ANKRD30B: variants seen among roughly 807,000 people sequenced by gnomAD.
The protein encoded by ANKRD30B is ankyrin repeat domain-containing protein 30B.
In ANKRD30B, 144 loss-of-function variants were observed where a neutral mutation model predicts 202.2. That is an observed-to-expected ratio of 0.71 (90% CI 0.62 to 0.82). The LOEUF is 0.82. ANKRD30B is among the 40% of genes least tolerant of loss of function. The pLI, the probability that ANKRD30B is intolerant of heterozygous loss-of-function variation, is 0.00. For missense variants in ANKRD30B, 1,487 were observed against 1,669.1 expected (o/e 0.89, Z 1.90); for synonymous variants, 508 against 561.3 (o/e 0.91, Z 1.34).
intron 7 of ANKRD30B, among the ~76,000 whole-genome samples, chr18:14,765,401 T>C (rs1215406598): frequency 1.3e-5 from 2 of 150,438 alleles, no homozygotes; most frequent in Admixed American, 6.6e-5. Context: ...AGGCGGAGGC[T>C]ACAGTGAGCT....
At chr18:14,835,610 A>G (rs1461336423) in intron 34 of ANKRD30B, among the ~76,000 whole-genome samples, 3 of 151,580 alleles carry the variant, frequency 2.0e-5, no homozygotes, top group African/African-American at 7.2e-5. Context: ...TCATAGATAT[A>G]TGTAAAAACT....
the ANKRD30B span, among the ~76,000 whole-genome samples, chr18:14,889,226 A>G: frequency 6.6e-6 from 1 of 151,892 alleles, no homozygotes; most frequent in African/African-American, 2.4e-5. Flanking sequence ...TACTATTCCC[A>G]TATCACTCAT....
chr18:14,793,391 TA>T (rs1322178066), intron 16 of ANKRD30B, among the ~76,000 whole-genome samples: 3 of 152,220 alleles, frequency 2.0e-5, no homozygotes, highest in African/African-American at 7.2e-5. Flanking sequence ...ACACATGGTG[TA>T]GCATTCTATG....
chr18:14,833,158 A>G (rs138492865), intron 34 of ANKRD30B, among the ~76,000 whole-genome samples: 1,713 of 151,222 alleles, frequency 0.011, 122 homozygotes, highest in Admixed American at 0.1. Context: ...GATGGTGTCG[A>G]TCTCTTCACC....
chr18:14,862,357 A>G, the ANKRD30B span, among the ~76,000 whole-genome samples: 1 of 152,062 alleles, frequency 6.6e-6, no homozygotes, highest in Non-Finnish European at 1.5e-5. Context: ...GCAAGGACAC[A>G]TAAAAATGAT....
intron 34 of ANKRD30B, among the ~76,000 whole-genome samples, chr18:14,836,685 T>C (rs1971189539): frequency 6.6e-6 from 1 of 152,184 alleles, no homozygotes; most frequent in Non-Finnish European, 1.5e-5. Flanking sequence ...ATATCTTATA[T>C]GGTTTGGTCT....
chr18:14,843,199 T>G, intron 39 of ANKRD30B, 103 bp downstream of exon 39: 1 of 1,236,236 alleles, frequency 8.1e-7, no homozygotes, highest in Non-Finnish European at 1.1e-6. Context: ...ATGGAAATAT[T>G]TGAGTTAATA....
chr18:14,797,876 T>A (rs1470354003), intron 20 of ANKRD30B, 22 bp downstream of exon 20: 6 of 1,527,636 alleles, frequency 3.9e-6, no homozygotes, highest in Non-Finnish European at 5.3e-6. Flanking sequence ...AATTTAAATT[T>A]TAATCTGGAA....
intron 30 of ANKRD30B, among the ~76,000 whole-genome samples, chr18:14,819,255 GATA>G (rs1465012290): frequency 1.3e-5 from 2 of 150,444 alleles, no homozygotes; most frequent in African/African-American, 4.9e-5. Flanking sequence ...GTAGATTCTG[GATA>G]TTAGCCCTTT....
chr18:14,796,991 C>G (rs1382014060), intron 18 of ANKRD30B, among the ~76,000 whole-genome samples: 1 of 152,104 alleles, frequency 6.6e-6, no homozygotes, highest in Non-Finnish European at 1.5e-5. Flanking sequence ...AACAGAAATG[C>G]AGACTTTCCA....
chr18:14,899,020 A>C, the ANKRD30B span, among the ~76,000 whole-genome samples: 8 of 152,302 alleles, frequency 5.3e-5, no homozygotes, highest in Non-Finnish European at 1.2e-4. Flanking sequence ...ATTTTCCTTG[A>C]TATAGACCAT....
intron 30 of ANKRD30B, among the ~76,000 whole-genome samples, chr18:14,822,100 A>G (rs1970452308): frequency 6.6e-6 from 1 of 152,030 alleles, no homozygotes. Context: ...GCATTCTACC[A>G]TTAGCTTGGA....
intron 4 of ANKRD30B, among the ~76,000 whole-genome samples, chr18:14,755,844 A>T (rs1194924998): frequency 6.6e-6 from 1 of 152,164 alleles, no homozygotes; most frequent in African/African-American, 2.4e-5. Context: ...TGCTATTGTG[A>T]ATAGTGCCAC....
Position 14,808,748 on chromosome 18 carries a change from A to T in ANKRD30B, c.2386+4A>T. 1 of 1,445,378 alleles carries T rather than the reference A, an allele frequency of 6.9e-7. No individual in the cohort carries two copies. Among genetic ancestry groups the T allele is most frequent in the Non-Finnish European group, 9.3e-7 (1 of 1,070,424 alleles). The allele number at this position is 1,445,378 out of a possible 1,614,324, so 89.5% of individuals were successfully genotyped here. A position where few individuals can be genotyped will look rare whatever the true frequency, so the allele number is the denominator to read the frequency against. On this transcript the variant is annotated splice_donor_region_variant and intron_variant, in intron 26 of 43. Transcript: ENST00000690538. ...GACAGAGAAACACTCAAAGCAGGTA[A>T]ATTTTGTAATTTAAATTTTAATCTG...
intron 30 of ANKRD30B, among the ~76,000 whole-genome samples, chr18:14,821,700 C>T (rs570959381): frequency 2.2e-4 from 34 of 152,252 alleles, no homozygotes; most frequent in African/African-American, 5.3e-4. Context: ...TCGAGAGATC[C>T]GCCCTCTTCA....
chr18:14,769,339 A>C lies in ANKRD30B; in HGVS notation c.1226-4A>C, dbSNP rs888772934. Reference sequence around the variant, plus strand: ...TAATGTATTTTACTTTTTTTCTTTAATAGTGGATGTGAGTTCTGTAGAGCC... The same window carrying C: ...TAATGTATTTTACTTTTTTTCTTTACTAGTGGATGTGAGTTCTGTAGAGCC... On this transcript the variant is annotated splice_region_variant and splice_polypyrimidine_tract_variant and intron_variant, in intron 7 of 43. Transcript: ENST00000690538. 61 of 1,538,022 alleles carry C rather than the reference A, an allele frequency of 4.0e-5. No individual in the cohort carries two copies. The highest frequency in any genetic ancestry group is 5.0e-5 in the Non-Finnish European group (57 of 1,139,570).
chr18:14,918,802 G>A, the ANKRD30B span, among the ~76,000 whole-genome samples: 1 of 152,186 alleles, frequency 6.6e-6, no homozygotes, highest in Non-Finnish European at 1.5e-5. Flanking sequence ...TTCCTAATTT[G>A]AAACCCAACC....
At chr18:14,817,193 G>C (rs964085914) in intron 30 of ANKRD30B, 3 of 152,184 alleles carry the variant, frequency 2.0e-5, no homozygotes, top group Non-Finnish European at 4.4e-5. Flanking sequence ...ACAAGGTTTT[G>C]TTTAAGTGTA....
intron 42 of ANKRD30B, among the ~76,000 whole-genome samples, chr18:14,853,488 AG>A (rs1201021587): frequency 1.3e-5 from 2 of 151,758 alleles, no homozygotes; most frequent in Admixed American, 6.6e-5. Flanking sequence ...CTAATACAGA[AG>A]AAGGAAAGAA....
Sources: gnomAD v4.1 joint callset for allele counts (sites outside exome capture counted in the v4.1 genomes callset) on GRCh38, gnomAD v4.1.1 for gene constraint, MANE v1.5 for transcripts, NCBI Gene and HGNC (gene_info 2026-07-23, HGNC 2026-07-21) for gene names.